Variants in CRACDL observed in about 807,000 individuals in gnomAD.
The protein encoded by CRACDL is CRACD-like protein.
A neutral mutation model predicts 70.6 loss-of-function variants in CRACDL; 26 were observed. The ratio of observed to expected loss-of-function variants is 0.37; its 90% CI spans 0.27 to 0.51. The LOEUF is 0.51. Among genes scored for constraint, CRACDL ranks in the 20% least tolerant of loss-of-function variants. The pLI is 0.94. For missense variants in CRACDL, 1,283 were observed against 1,376.9 expected, an observed-to-expected ratio of 0.93 and a Z score of 1.08; for synonymous variants, 618 against 615.2, an observed-to-expected ratio of 1.00 and a Z score of -0.07.
At position 98,822,468 on chromosome 2, in the gene CRACDL, C is replaced by T; in HGVS notation, c.1805G>A (p.Arg602Lys). The T allele has an allele frequency of 1.4e-6, 2 of 1,475,832 alleles. No individual in the cohort carries two copies. The highest frequency in any genetic ancestry group is 1.8e-6 in the Non-Finnish European group (2 of 1,121,452). 91.4% of individuals were successfully genotyped at this position (1,475,832 alleles called of 1,614,324 possible). A position where few individuals can be genotyped will look rare whatever the true frequency, so the allele number is the denominator to read the frequency against. The change falls in exon 7 of 10, where the codon AGG becomes AAG. Residue 602 changes from arginine to lysine, a missense_variant. Arg to Lys is a conservative substitution (Grantham distance 26). This residue lies in a region of CRACDL where 921 missense variants were observed against 881.9 expected (regional missense o/e 1.04). Coordinates refer to ENST00000397899, the MANE Select transcript of CRACDL (RefSeq NM_207362.3). This position sits in a 1 kb window ranked among gnomAD's most constrained non-coding sequence, Gnocchi z 4.9. Reference protein sequence around the residue: ...ERASGRLPLARSGPVWRSEAA... With the variant: ...ERASGRLPLAKSGPVWRSEAA... ...CTCGCTCCTCCAGACCGGGCCGCTC[C>T]TCGCGAGGGGCAGGCGGCCGCTGGC... is the stretch of plus-strand genomic sequence containing the variant.
chr2:98,877,949 CTTTT>C (rs35403434), intron 1 of CRACDL, among the ~76,000 whole-genome samples: 1 of 138,424 alleles, frequency 7.2e-6, no homozygotes. Flanking sequence ...CATTTTTAAT[CTTTT>C]TTTTTTTTTT....
At chr2:98,925,624 C>G (rs1373695925) in intron 1 of CRACDL, among the ~76,000 whole-genome samples, 1 of 152,136 alleles carries the variant, frequency 6.6e-6, no homozygotes, top group African/African-American at 2.4e-5. Flanking sequence ...GGGGAGTGCG[C>G]CTCGTGAGGG....
chr2:98,836,681 G>T (rs1456598348), intron 3 of CRACDL, among the ~76,000 whole-genome samples: 15 of 152,072 alleles, frequency 9.9e-5, no homozygotes, highest in Admixed American at 9.8e-4. Context: ...GGTGGATGGG[G>T]GTGGGTGTTA....
Position 98,794,466 on chromosome 2 carries a change from C to A in CRACDL, c.*66G>T. On this transcript the variant is annotated 3_prime_UTR_variant, in exon 10 of 10. Transcript: ENST00000397899. ...GTTTCACAGTTTGTTTGCCACAATACACTGGCAGTTTTTAACTAAGTGGCT... is the reference window on the plus strand; with the variant it reads ...GTTTCACAGTTTGTTTGCCACAATAAACTGGCAGTTTTTAACTAAGTGGCT... 1 of 1,391,858 alleles carries A rather than the reference C, an allele frequency of 7.2e-7. No individual in the cohort carries two copies. The highest frequency in any genetic ancestry group is 1.0e-6 in the Non-Finnish European group (1 of 988,342). 86.2% of individuals were successfully genotyped at this position (1,391,858 alleles called of 1,614,324 possible). A position where few individuals can be genotyped will look rare whatever the true frequency, so the allele number is the denominator to read the frequency against.
In CRACDL at chr2:98,855,303, T is replaced by C. The variant is rs112065109; in HGVS notation, c.-10-8493A>G. 6.6e-3 allele frequency among the ~76,000 whole-genome samples: 995 copies of C among 151,106 alleles called. 14 individuals carry two copies. Among genetic ancestry groups the C allele is most frequent in the African/African-American group, 0.023 (949 of 41,160 alleles). On this transcript the variant is annotated intron_variant, in intron 1 of 9. Transcript: ENST00000397899. The stretch of plus-strand genomic sequence containing the variant: ...TCCATCTCAAAAAAAAAAAAAAAAG[T>C]TCTTGTTCTTTGGAAGTACATATGT...
intron 1 of CRACDL, among the ~76,000 whole-genome samples, chr2:98,870,174 C>T (rs577443279): frequency 6.6e-6 from 1 of 152,300 alleles, no homozygotes; most frequent in African/African-American, 2.4e-5. Flanking sequence ...GTACAGTCAG[C>T]AGTTTCCAGG....
At chr2:98,856,649 G>A (rs536193647) in intron 1 of CRACDL, among the ~76,000 whole-genome samples, 1 of 152,250 alleles carries the variant, frequency 6.6e-6, no homozygotes, top group African/African-American at 2.4e-5. Flanking sequence ...GCATTGTTGG[G>A]ACTATAATGT....
At chr2:98,915,978 C>A (rs1356262207) in intron 1 of CRACDL, among the ~76,000 whole-genome samples, 1 of 152,178 alleles carries the variant, frequency 6.6e-6, no homozygotes, top group Non-Finnish European at 1.5e-5. Context: ...CCATTGCCCT[C>A]AGGGTCACTG....
At chr2:98,831,657 C>G (rs2104497319) in intron 5 of CRACDL, among the ~76,000 whole-genome samples, 1 of 152,360 alleles carries the variant, frequency 6.6e-6, no homozygotes, top group Admixed American at 6.5e-5. Flanking sequence ...ATTAAGTGTT[C>G]TTACCACAAT....
intron 1 of CRACDL, among the ~76,000 whole-genome samples, chr2:98,905,606 G>A (rs1173864971): frequency 1.3e-5 from 2 of 150,466 alleles, no homozygotes; most frequent in Non-Finnish European, 2.9e-5. Flanking sequence ...AAAAGATTTA[G>A]TCTAAGACTG....
chr2:98,828,007 A>G (rs1258627481), intron 5 of CRACDL, among the ~76,000 whole-genome samples: 2 of 152,234 alleles, frequency 1.3e-5, no homozygotes, highest in East Asian at 1.9e-4. Flanking sequence ...GGACATTGCC[A>G]TCTGTTAAGT....
Position 98,822,675 on chromosome 2 carries a change from T to A in CRACDL, c.1598A>T (p.Glu533Val). The A allele has an allele frequency of 1.6e-6, 2 of 1,277,058 alleles. No individual in the cohort carries two copies. Among genetic ancestry groups the A allele is most frequent in the East Asian group, 6.5e-5 (2 of 30,854 alleles). 79.1% of individuals were successfully genotyped at this position (1,277,058 alleles called of 1,614,324 possible). The change falls in exon 7 of 10, where the codon GAG becomes GTG. Residue 533 changes from glutamate to valine, a missense_variant. Physicochemically the swap from Glu to Val is moderately radical, Grantham distance 121. This residue lies in a region of CRACDL where 921 missense variants were observed against 881.9 expected (regional missense o/e 1.04). Transcript: ENST00000397899. The surrounding 1 kb of genome is among the most constrained non-coding windows in gnomAD (Gnocchi z 4.9). ...CTTGGGGCGCTCCGGGGCGGCGGCC[T>A]CTGCGTCGAGGGAACCGGGGCCGGG... is the stretch of plus-strand genomic sequence containing the variant. ...VEPGPGSLDA[E>V]AAAPERPKAE... is the part of the protein sequence containing the mutation.
intron 1 of CRACDL, among the ~76,000 whole-genome samples, chr2:98,889,428 A>C (rs1230398708): frequency 6.6e-6 from 1 of 152,244 alleles, no homozygotes; most frequent in Admixed American, 6.5e-5. Context: ...TACTACAGAC[A>C]AAGTGGGAAA....
intron 1 of CRACDL, among the ~76,000 whole-genome samples, chr2:98,865,189 T>C (rs1707087015): frequency 2.0e-5 from 3 of 152,108 alleles, no homozygotes; most frequent in African/African-American, 7.2e-5. Flanking sequence ...TCCTTCCAGC[T>C]TGGAGCCTTT....
intron 1 of CRACDL, among the ~76,000 whole-genome samples, chr2:98,881,042 T>G (rs111591185): frequency 0.026 from 3,946 of 152,258 alleles, 212 homozygotes; most frequent in Admixed American, 0.12. Flanking sequence ...GGGCTCCTAG[T>G]GGCTTCAGAG....
chr2:98,923,953 T>A (rs1708859234), intron 1 of CRACDL, among the ~76,000 whole-genome samples: 1 of 152,194 alleles, frequency 6.6e-6, no homozygotes, highest in South Asian at 2.1e-4. Context: ...GAATTCCACT[T>A]TAGTTGACAG....
intron 1 of CRACDL, among the ~76,000 whole-genome samples, chr2:98,900,565 G>GT (rs560187782): frequency 6.6e-6 from 1 of 152,278 alleles, no homozygotes; most frequent in South Asian, 2.1e-4. Flanking sequence ...AGGGGTGGGA[G>GT]TAGGGCCTGT....
intron 8 of CRACDL, 138 bp downstream of exon 8, chr2:98,797,212 C>T (rs1703860694): frequency 7.6e-6 from 6 of 794,500 alleles, no homozygotes; most frequent in Non-Finnish European, 1.2e-5. Flanking sequence ...TGGCTCTCGA[C>T]CACACATCCA....
At chr2:98,885,218 A>G (rs984417635) in intron 1 of CRACDL, among the ~76,000 whole-genome samples, 1 of 152,198 alleles carries the variant, frequency 6.6e-6, no homozygotes, top group African/African-American at 2.4e-5. Context: ...CCAATTCCTC[A>G]GCAACTATGA....
Sources: allele counts gnomAD v4.1 joint callset (sites outside exome capture counted in the v4.1 genomes callset), GRCh38; gene constraint gnomAD v4.1.1; regional missense constraint gnomAD v4.1.1; non-coding constraint Gnocchi (gnomAD v3.1); transcripts MANE v1.5; gene names NCBI Gene and HGNC (gene_info 2026-07-23, HGNC 2026-07-21).